Variants in C13orf42 observed in about 807,000 individuals in gnomAD.
The protein encoded by C13orf42 is chromosome 13 open reading frame 42.
chr13:51,109,586 C>CA lies in C13orf42; in HGVS notation c.414+1209dup, dbSNP rs987176952. Among the ~76,000 whole-genome samples, 551 of 144,106 alleles carry CA rather than the reference C, an allele frequency of 3.8e-3. 4 individuals are homozygous for CA. The highest frequency in any genetic ancestry group is 0.01 in the African/African-American group (409 of 39,482). 94.5% of individuals were successfully genotyped at this position (144,106 alleles called of 152,430 possible). On this transcript the variant is annotated intron_variant, in intron 1 of 3. Coordinates refer to ENST00000563710, the MANE Select transcript of C13orf42 (RefSeq NM_001351589.3). ...CAACAAAGCAAGACTCCCATCTCTA[C>CA]AAAAAAAAAAAATTTTAATTAGCCG... is the stretch of plus-strand genomic sequence containing the variant.
intron 1 of C13orf42, chr13:51,172,091 C>A (rs1309554480): frequency 1.3e-5 from 2 of 152,160 alleles, no homozygotes; most frequent in South Asian, 2.1e-4. Context: ...AACGCCTGAA[C>A]CGCAGCGGCC....
Position 51,135,394 on chromosome 13 carries a change from G to C in C13orf42, n.137-22172C>G, listed in dbSNP as rs910465196. Among the ~76,000 whole-genome samples, 3 of 152,126 alleles carry C rather than the reference G, an allele frequency of 2.0e-5. No individual in the cohort carries two copies. In the South Asian group the frequency reaches 6.2e-4, roughly 31 times the overall value. The stretch of plus-strand genomic sequence containing the variant: ...AGTGGTTCACGCCTATAATCCCAGT[G>C]CTTTGGGAGGCCTAGATGGGAGGAT... On this transcript the variant is annotated intron_variant and non_coding_transcript_variant, in intron 1 of 4. Coordinates refer to the C13orf42 transcript ENST00000433280.
At chr13:51,090,531 A>T (rs1055513093) in intron 1 of C13orf42, among the ~76,000 whole-genome samples, 1 of 152,186 alleles carries the variant, frequency 6.6e-6, no homozygotes, top group Non-Finnish European at 1.5e-5. Context: ...TGGAGGGCAC[A>T]TCTCCAAGTC....
chr13:51,141,551 G>A (rs1300922906), intron 1 of C13orf42, among the ~76,000 whole-genome samples: 1 of 152,120 alleles, frequency 6.6e-6, no homozygotes, highest in Non-Finnish European at 1.5e-5. Flanking sequence ...TGTAATCTCA[G>A]TACTTTGGGA....
chr13:51,126,300 T>G (rs1031404927), intron 1 of C13orf42, among the ~76,000 whole-genome samples: 1 of 152,230 alleles, frequency 6.6e-6, no homozygotes, highest in Admixed American at 6.5e-5. Context: ...GTTTTGACAC[T>G]GAAGTAAAAT....
intron 1 of C13orf42, among the ~76,000 whole-genome samples, chr13:51,136,959 T>A (rs1953662337): frequency 6.6e-6 from 1 of 152,208 alleles, no homozygotes. Flanking sequence ...TTTGAGGGCT[T>A]CTTGGGGACA....
At chr13:51,134,665 C>G (rs772047484) in intron 1 of C13orf42, among the ~76,000 whole-genome samples, 11 of 152,104 alleles carry the variant, frequency 7.2e-5, no homozygotes, top group Non-Finnish European at 1.5e-4. Flanking sequence ...GGGCCCAGCT[C>G]CAGCTGAGAG....
At chr13:51,098,762 G>A (rs1158088338) in intron 1 of C13orf42, among the ~76,000 whole-genome samples, 1 of 151,866 alleles carries the variant, frequency 6.6e-6, no homozygotes, top group African/African-American at 2.4e-5. Context: ...ACTGAGAGTT[G>A]CTGCCTCAAG....
Position 51,085,468 on chromosome 13 carries a change from C to T in C13orf42, c.654G>A (p.Val218=), listed in dbSNP as rs546261012. 5.3e-4 allele frequency: 212 copies of T among 398,650 alleles called. 1 individual carries two copies. Among genetic ancestry groups the T allele is most frequent in the African/African-American group, 4.0e-3 (197 of 48,756 alleles). The allele number at this position is 398,650 out of a possible 1,614,324, so 24.7% of individuals were successfully genotyped here. ...TTCGAAACTGGCCGTCTACAGTATG[C>T]ACAGTGTGGGCAGCGATATCCTCGG... ...RHSEDIAAHT[V]HTVDGQFRRS... The change falls in exon 3 of 4, where the codon GTG becomes GTA. Residue 218 remains valine (V), a synonymous_variant. Coordinates refer to ENST00000563710, the MANE Select transcript of C13orf42 (RefSeq NM_001351589.3).
chr13:51,146,467 A>G (rs1953736754), intron 1 of C13orf42, among the ~76,000 whole-genome samples: 2 of 152,228 alleles, frequency 1.3e-5, no homozygotes, highest in Non-Finnish European at 2.9e-5. Context: ...GCCAAAGTTA[A>G]GGACGCACGC....
In C13orf42 at chr13:51,084,119, A is replaced by G. The variant is rs943535050; in HGVS notation, c.*32T>C. The G allele has an allele frequency of 7.5e-6, 3 of 398,550 alleles. No homozygotes were observed. The highest frequency in any genetic ancestry group is 1.3e-5 in the Non-Finnish European group (3 of 226,076). 24.7% of individuals were successfully genotyped at this position (398,550 alleles called of 1,614,324 possible). A position where few individuals can be genotyped will look rare whatever the true frequency, so the allele number is the denominator to read the frequency against. On this transcript the variant is annotated 3_prime_UTR_variant, in exon 4 of 4. Transcript: ENST00000563710. ...AAAGCGGACAGCTTCTCAGGGACCC[A>G]GTCTGAGACACGTCAAGGAATCCAG...
intron 1 of C13orf42, among the ~76,000 whole-genome samples, chr13:51,155,838 T>G (rs1260489886): frequency 6.6e-6 from 1 of 152,128 alleles, no homozygotes; most frequent in Non-Finnish European, 1.5e-5. Context: ...CGGGGTCTTG[T>G]TCACACAAGG....
Position 51,082,956 on chromosome 13 carries a change from A to C in C13orf42, c.*1195T>G, listed in dbSNP as rs187891821. 6.6e-6 allele frequency: 1 copy of C among 152,232 alleles called. No individual in the cohort carries two copies. Among genetic ancestry groups the C allele is most frequent in the East Asian group, 1.9e-4 (1 of 5,198 alleles). The allele number at this position is 152,232 out of a possible 1,614,324, so 9.4% of individuals were successfully genotyped here. A position where few individuals can be genotyped will look rare whatever the true frequency, so the allele number is the denominator to read the frequency against. ...TAAAAAATGGAACAATAAGAATATCATCCCACAGGCATGGCAGAAAGGAAG... is the reference window on the plus strand; with the variant it reads ...TAAAAAATGGAACAATAAGAATATCCTCCCACAGGCATGGCAGAAAGGAAG... On this transcript the variant is annotated 3_prime_UTR_variant, in exon 4 of 4. Coordinates refer to ENST00000563710, the MANE Select transcript of C13orf42 (RefSeq NM_001351589.3).
At chr13:51,164,470 T>C (rs1002128427) in intron 1 of C13orf42, among the ~76,000 whole-genome samples, 2 of 152,116 alleles carry the variant, frequency 1.3e-5, no homozygotes, top group African/African-American at 4.8e-5. Flanking sequence ...AAGACCAGCC[T>C]AGGCAACATA....
intron 2 of C13orf42, 52 bp from the exon 3 acceptor site, chr13:51,085,611 C>A (rs17075305): frequency 0.019 from 7,402 of 398,202 alleles, 443 homozygotes; most frequent in African/African-American, 0.13. Context: ...CATTGGGAGG[C>A]GCATAAGGCA....
intron 1 of C13orf42, among the ~76,000 whole-genome samples, chr13:51,159,918 G>A (rs955086640): frequency 9.9e-5 from 15 of 152,268 alleles, no homozygotes; most frequent in South Asian, 2.1e-4. Flanking sequence ...CAATCATGGC[G>A]GAGGGTGAAA....
In C13orf42 at chr13:51,127,336, A is replaced by G. The variant is rs138592606; in HGVS notation, n.137-14114T>C. Among the ~76,000 whole-genome samples the G allele has an allele frequency of 6.6e-5, 10 of 152,352 alleles. No homozygotes were observed. In the East Asian group the frequency reaches 1.9e-3, roughly 29 times the overall value. ...CCTGATGATAGCAACGAGGAGGTAG[A>G]TATTAGTATGACCATTCCCATTTTT... On this transcript the variant is annotated intron_variant and non_coding_transcript_variant, in intron 1 of 4. Transcript: ENST00000433280.
intron 1 of C13orf42, among the ~76,000 whole-genome samples, chr13:51,140,720 A>T (rs539917653): frequency 6.6e-6 from 1 of 152,028 alleles, no homozygotes; most frequent in African/African-American, 2.4e-5. Flanking sequence ...TCCTGCTTCC[A>T]TGACGATGGA....
chr13:51,106,696 C>T (rs1953359925), intron 1 of C13orf42, among the ~76,000 whole-genome samples: 1 of 152,126 alleles, frequency 6.6e-6, no homozygotes, highest in Admixed American at 6.5e-5. Flanking sequence ...CATCATTGCT[C>T]CTCCTGACTG....
Sources: gnomAD v4.1 joint callset for allele counts (sites outside exome capture counted in the v4.1 genomes callset) on GRCh38, gnomAD v4.1.1 for gene constraint, MANE v1.5 for transcripts, NCBI Gene and HGNC (gene_info 2026-07-23, HGNC 2026-07-21) for gene names.